ANO1: variants seen among roughly 807,000 people sequenced by gnomAD.
The protein encoded by ANO1 is anoctamin 1, also known as anoctamin-1.
ANO1 carries 59 observed loss-of-function variants against 124.0 expected under a neutral mutation model. The ratio of observed to expected loss-of-function variants is 0.48; its 90% CI spans 0.39 to 0.59. The LOEUF (loss-of-function observed/expected upper bound fraction) is 0.59. ANO1 is among the 20% of genes least tolerant of loss of function. The pLI, the probability that ANO1 is intolerant of heterozygous loss-of-function variation, is 0.00. For missense variants in ANO1, 1,059 were observed against 1,328.0 expected, an observed-to-expected ratio of 0.80 and a Z score of 3.15; for synonymous variants, 529 against 532.0, an observed-to-expected ratio of 0.99 and a Z score of 0.08.
At position 70,152,479 on chromosome 11, in the gene ANO1, G is replaced by C; in HGVS notation, c.1353+18G>C. The C allele has an allele frequency of 1.9e-6, 3 of 1,611,488 alleles. No individual in the cohort carries two copies. Among genetic ancestry groups the C allele is most frequent in the South Asian group, 2.2e-5 (2 of 90,702 alleles). ...CTGTCAAGGTTTGGAACTTTTTGTC[G>C]CTCCTCTATCTTCCCACAGCCTATC... On this transcript the variant is annotated intron_variant, in intron 13 of 25. Transcript: ENST00000355303.
chr11:70,075,895 T>A (rs1591078218), upstream of ANO1, among the ~76,000 whole-genome samples: 1 of 152,212 alleles, frequency 6.6e-6, no homozygotes, highest in Non-Finnish European at 1.5e-5. Flanking sequence ...TATCTCCAGC[T>A]ACAGGAATTC....
chr11:70,164,054 G>C (rs2135725431), intron 19 of ANO1, among the ~76,000 whole-genome samples: 1 of 152,110 alleles, frequency 6.6e-6, no homozygotes, highest in African/African-American at 2.4e-5. Flanking sequence ...CTGGTGGCAT[G>C]TGCTTTCTGC....
chr11:70,139,864 G>C (rs1261426109), intron 11 of ANO1, among the ~76,000 whole-genome samples: 1 of 152,182 alleles, frequency 6.6e-6, no homozygotes, highest in African/African-American at 2.4e-5. Context: ...GCCCTACTCC[G>C]CGGGCATTAC....
At chr11:70,065,639 C>T (rs549329103) in intron 1 of ANO1, among the ~76,000 whole-genome samples, 1 of 151,224 alleles carries the variant, frequency 6.6e-6, no homozygotes, top group African/African-American at 2.4e-5. Context: ...CCGTCGTCCC[C>T]CTAGTTGGCC....
At chr11:70,143,400 C>G (rs1185660521) in intron 11 of ANO1, among the ~76,000 whole-genome samples, 1 of 152,100 alleles carries the variant, frequency 6.6e-6, no homozygotes, top group African/African-American at 2.4e-5. Context: ...TGGAGTGAAG[C>G]CTGAGTAGTA....
At position 70,112,576 on chromosome 11, in the gene ANO1, A is replaced by C. The variant is rs1159332630; in HGVS notation, c.855+814A>C. On this transcript the variant is annotated intron_variant, in intron 7 of 25. Transcript: ENST00000355303. ...TTCTTTTTTTTTTTTTTTTTGAAAC[A>C]AGACAGAGTCTCGCTCTGTCATCCA... 2.1e-5 allele frequency among the ~76,000 whole-genome samples: 3 copies of C among 143,966 alleles called. No individual in the cohort carries two copies. In the Admixed American group the frequency reaches 2.1e-4, roughly 10 times the overall value. 94.4% of individuals were successfully genotyped at this position (143,966 alleles called of 152,430 possible).
rs1158471607 is a variant in ANO1, at chr11:70,189,476, A to T, written c.*1472A>T. The stretch of plus-strand genomic sequence containing the variant: ...TTTTTTTAAAAAGTGAATGTACACA[A>T]ATCCACAGAGGACTGTGGCTGGACA... On this transcript the variant is annotated 3_prime_UTR_variant, in exon 26 of 26. Transcript: ENST00000355303. 6.6e-6 allele frequency: 1 copy of T among 152,652 alleles called. No homozygotes were observed. Among genetic ancestry groups the T allele is most frequent in the East Asian group, 1.9e-4 (1 of 5,206 alleles). The allele number at this position is 152,652 out of a possible 1,614,324, so 9.5% of individuals were successfully genotyped here.
intron 8 of ANO1, among the ~76,000 whole-genome samples, chr11:70,122,720 T>C (rs2509159): frequency 0.83 from 126,432 of 151,650 alleles, 52,845 homozygotes; most frequent in Middle Eastern, 0.91. Flanking sequence ...TCGCTGCCTC[T>C]CTCCTTCTCT....
chr11:70,049,478 G>C (rs552456216), intron 1 of ANO1, among the ~76,000 whole-genome samples: 6 of 152,344 alleles, frequency 3.9e-5, no homozygotes, highest in African/African-American at 1.4e-4. Context: ...CTGCCACATA[G>C]CTGGCATGGA....
the ANO1 span, among the ~76,000 whole-genome samples, chr11:69,973,522 C>T: frequency 0.65 from 98,168 of 151,574 alleles, 32,595 homozygotes; most frequent in East Asian, 0.79. Flanking sequence ...GTTATCCTTG[C>T]TAGGCGGTGC....
chr11:70,182,484 GC>G lies in ANO1; in HGVS notation c.2404-16del, dbSNP rs757060412. The stretch of plus-strand genomic sequence containing the variant: ...GCCCAGGCTGGGGGTCCCCCTCACT[GC>G]CATGTCCCCTGCACAGGCCTTCGTG... On this transcript the variant is annotated splice_polypyrimidine_tract_variant and intron_variant, in intron 23 of 25. Transcript: ENST00000355303. 6.6e-7 allele frequency: 1 copy of G among 1,516,870 alleles called. No individual in the cohort carries two copies. The highest frequency in any genetic ancestry group is 1.3e-5 in the South Asian group (1 of 75,514). 94.0% of individuals were successfully genotyped at this position (1,516,870 alleles called of 1,614,324 possible).
the ANO1 span, among the ~76,000 whole-genome samples, chr11:69,966,551 G>A: frequency 0.58 from 87,708 of 152,042 alleles, 28,040 homozygotes; most frequent in South Asian, 0.77. Context: ...CCACTGGGAA[G>A]CCCGAGGCCG....
At chr11:70,108,583 G>C (rs998465793) in intron 6 of ANO1, among the ~76,000 whole-genome samples, 179 bp downstream of exon 6, 5 of 152,144 alleles carry the variant, frequency 3.3e-5, no homozygotes, top group African/African-American at 4.8e-5. Flanking sequence ...CAGTTTTATG[G>C]CCCAGCACTT....
chr11:69,974,882 G>A, the ANO1 span, among the ~76,000 whole-genome samples: 3,274 of 112,964 alleles, frequency 0.029, 196 homozygotes, highest in East Asian at 0.26. Context: ...GGATGCCTCC[G>A]TCTCTAAAAA....
intron 1 of ANO1, among the ~76,000 whole-genome samples, chr11:70,037,643 T>C (rs1857116843): frequency 6.6e-6 from 1 of 152,150 alleles, no homozygotes; most frequent in Non-Finnish European, 1.5e-5. Flanking sequence ...AGGCGCTCCC[T>C]GAGCCTCAGC....
At chr11:70,099,259 C>CG (rs2045151588) in intron 2 of ANO1, among the ~76,000 whole-genome samples, 1 of 152,138 alleles carries the variant, frequency 6.6e-6, no homozygotes, top group African/African-American at 2.4e-5. Flanking sequence ...GTGGTCAGCC[C>CG]GGGCACCATG....
Position 70,104,126 on chromosome 11 carries a change from C to T in ANO1, c.668C>T (p.Pro223Leu). 1 of 1,612,918 alleles carries T rather than the reference C, an allele frequency of 6.2e-7. No homozygotes were observed. Among genetic ancestry groups the T allele is most frequent in the Non-Finnish European group, 8.5e-7 (1 of 1,179,570 alleles). Residue 223 changes from proline (P) to leucine (L), a missense_variant, in exon 4 of 26, where the codon CCC becomes CTC. Pro to Leu is a moderately conservative substitution (Grantham distance 98). Around this residue, in one of 2 missense-constraint regions of ANO1, gnomAD observed 809 missense variants for 1,094.9 expected, o/e 0.74. Coordinates refer to ENST00000355303, the MANE Select transcript of ANO1 (RefSeq NM_018043.7). ...CAGACCATGAAGAGACTCTCCTATC[C>T]CTTCTCCCGGGAGAAGCAGCATCTG... ...RPQTMKRLSY[P>L]FSREKQHLFD...
rs565649545 is a variant in ANO1 at position 70,172,690 on chromosome 11, T to C, written c.2350+1651T>C. ...TTCGAGACCAGCCTGACCAACATGG[T>C]GAAACCCTGTCTCTACTAAAAATAC... On this transcript the variant is annotated intron_variant, in intron 22 of 25. Coordinates refer to ENST00000355303, the MANE Select transcript of ANO1 (RefSeq NM_018043.7). Among the ~76,000 whole-genome samples the C allele has an allele frequency of 5.3e-5, 8 of 152,140 alleles. No individual in the cohort carries two copies. In the South Asian group the frequency reaches 1.7e-3, roughly 32 times the overall value.
intron 1 of ANO1, among the ~76,000 whole-genome samples, chr11:70,086,996 G>A (rs12294324): frequency 2.0e-5 from 3 of 152,256 alleles, no homozygotes; most frequent in African/African-American, 7.2e-5. Flanking sequence ...CTGGCCATCA[G>A]AGATTGAGAT....
Sources: allele counts gnomAD v4.1 joint callset (sites outside exome capture counted in the v4.1 genomes callset), GRCh38; gene constraint gnomAD v4.1.1; regional missense constraint gnomAD v4.1.1; transcripts MANE v1.5; gene names NCBI Gene and HGNC (gene_info 2026-07-23, HGNC 2026-07-21).